EP400: variants seen among roughly 807,000 people sequenced by gnomAD.
EP400 encodes the protein E1A binding protein p400.
EP400 carries 105 observed loss-of-function variants against 354.1 expected under a neutral mutation model. That is an observed-to-expected ratio of 0.30 (90% CI 0.25 to 0.35). The LOEUF (loss-of-function observed/expected upper bound fraction) is 0.35, where lower values mean the gene tolerates loss of function less well. Among genes scored for constraint, EP400 ranks in the 10% least tolerant of loss-of-function variants. The pLI is 1.00. For synonymous variants in EP400, 1,646 were observed against 1,716.9 expected, an observed-to-expected ratio of 0.96 and a Z score of 1.02; for missense variants, 3,280 against 4,121.0, an observed-to-expected ratio of 0.80 and a Z score of 5.59.
At chr12:132,069,755 C>T in intron 51 of EP400, 114 bp downstream of exon 51, 2 of 1,466,224 alleles carry the variant, frequency 1.4e-6, no homozygotes, top group Non-Finnish European at 1.8e-6. Flanking sequence ...CTGGGTGGTG[C>T]ACTGGAGGGA....
chr12:132,013,384 C>A lies in EP400; in HGVS notation c.3612-106C>A. On this transcript the variant is annotated intron_variant, in intron 17 of 52. Transcript: ENST00000389561. This position sits in a 1 kb window ranked among gnomAD's most constrained non-coding sequence, Gnocchi z 4.5. ...TCAGGCATGTGCACGTTGACATTTG[C>A]GGTGTCAAATTACTGTCCCTTTTCT... is the stretch of plus-strand genomic sequence containing the variant. 7.0e-7 allele frequency: 1 copy of A among 1,426,916 alleles called. No individual in the cohort carries two copies. The highest frequency in any genetic ancestry group is 1.4e-5 in the South Asian group (1 of 72,346). The allele number at this position is 1,426,916 out of a possible 1,614,324, so 88.4% of individuals were successfully genotyped here.
At chr12:131,972,675 C>T (rs946748433) in intron 2 of EP400, among the ~76,000 whole-genome samples, 12 of 150,832 alleles carry the variant, frequency 8.0e-5, no homozygotes, top group Non-Finnish European at 1.8e-4. Context: ...CATCATTTTC[C>T]TGTTAGAGAA....
chr12:132,011,774 G>T, intron 16 of EP400, 140 bp downstream of exon 16: 1 of 1,151,696 alleles, frequency 8.7e-7, no homozygotes, highest in Non-Finnish European at 1.2e-6. Flanking sequence ...AGACCTTTAT[G>T]TTGTTCCCCT....
rs1002526965 is a variant in EP400, at chr12:132,013,792, A to G, written c.3802A>G (p.Ile1268Val). 3 of 1,613,752 alleles carry G rather than the reference A, an allele frequency of 1.9e-6. No individual in the cohort carries two copies. The highest frequency in any genetic ancestry group is 2.5e-6 in the Non-Finnish European group (3 of 1,179,930). Residue 1268 changes from isoleucine to valine, a missense_variant, in exon 19 of 53, where the codon ATT becomes GTT. Physicochemically the swap from Ile to Val is conservative, Grantham distance 29. Transcript: ENST00000389561. The surrounding 1 kb of genome is among the most constrained non-coding windows in gnomAD (Gnocchi z 4.5). ...TTATTTTCAGGTGACACAGCCATTT[A>G]TTTTGAGGAGAACTAAGAGAGATGT... ...IRLHRVTQPFILRRTKRDVEK... is the reference protein window; with the variant it reads ...IRLHRVTQPFVLRRTKRDVEK...
At chr12:132,062,359 C>T (rs1176905527) in intron 46 of EP400, 36 bp downstream of exon 46, 1 of 1,613,176 alleles carries the variant, frequency 6.2e-7, no homozygotes, top group Admixed American at 1.7e-5. Flanking sequence ...TGCCACACGT[C>T]TGCTCTGGCG....
intron 45 of EP400, among the ~76,000 whole-genome samples, chr12:132,059,786 C>A (rs965900999): frequency 7.9e-5 from 12 of 151,796 alleles, no homozygotes; most frequent in African/African-American, 2.9e-4. Flanking sequence ...GAGGCCAAGG[C>A]GGGCGGATCA....
Position 132,013,517 on chromosome 12 carries a change from G to C in EP400, c.3639G>C (p.Ser1213=), listed in dbSNP as rs750785674. Reference sequence around the variant, plus strand: ...AACAACGTCTGCTTCTGATCGACTCGCCGCTGCACAATACCTTCCTGGAGC... The same window carrying C: ...AACAACGTCTGCTTCTGATCGACTCCCCGCTGCACAATACCTTCCTGGAGC... The part of the protein sequence containing the change: ...QSQQRLLLID[S]PLHNTFLELW... Residue 1213 remains serine (S), a synonymous_variant, in exon 18 of 53, where the codon TCG becomes TCC. Coordinates refer to ENST00000389561, the MANE Select transcript of EP400 (RefSeq NM_015409.5). This position sits in a 1 kb window ranked among gnomAD's most constrained non-coding sequence, Gnocchi z 4.5. The C allele has an allele frequency of 1.9e-6, 3 of 1,584,720 alleles. No individual in the cohort carries two copies. The highest frequency in any genetic ancestry group is 2.6e-6 in the Non-Finnish European group (3 of 1,164,646).
At chr12:131,960,497 C>CT in intron 1 of EP400, 88 bp from the exon 2 acceptor site, 1 of 1,278,288 alleles carries the variant, frequency 7.8e-7, no homozygotes, top group Non-Finnish European at 1.1e-6. Flanking sequence ...TGGGAATGTA[C>CT]TTTCAAAGTG....
At position 132,078,778 on chromosome 12, in the gene EP400, T is replaced by G. The variant is rs1896310427; in HGVS notation, c.*1105T>G. 1 of 152,266 alleles carries G rather than the reference T, an allele frequency of 6.6e-6. No homozygotes were observed. The highest frequency in any genetic ancestry group is 1.5e-5 in the Non-Finnish European group (1 of 68,042). 9.4% of individuals were successfully genotyped at this position (152,266 alleles called of 1,614,324 possible). On this transcript the variant is annotated 3_prime_UTR_variant, in exon 53 of 53. Coordinates refer to ENST00000389561, the MANE Select transcript of EP400 (RefSeq NM_015409.5). Reference sequence around the variant, plus strand: ...TTTCTCTAGGATAAGCTTGTGTGGTTCTGCCAGTGAAGCAGAGAACCACCT... The same window carrying G: ...TTTCTCTAGGATAAGCTTGTGTGGTGCTGCCAGTGAAGCAGAGAACCACCT...
At position 132,017,778 on chromosome 12, in the gene EP400, A is replaced by G. The variant is rs1893993693; in HGVS notation, c.4110+57A>G. ...GTTGGATATCTTTTCTAGGCACATT[A>G]TAGATAAAACCATTCTTGGAAATGG... On this transcript the variant is annotated intron_variant, in intron 20 of 52. Transcript: ENST00000389561. This position sits in a 1 kb window ranked among gnomAD's most constrained non-coding sequence, Gnocchi z 5.0. 1 of 1,476,862 alleles carries G rather than the reference A, an allele frequency of 6.8e-7. No homozygotes were observed. The highest frequency in any genetic ancestry group is 9.0e-7 in the Non-Finnish European group (1 of 1,111,784). The allele number at this position is 1,476,862 out of a possible 1,614,324, so 91.5% of individuals were successfully genotyped here. A position where few individuals can be genotyped will look rare whatever the true frequency, so the allele number is the denominator to read the frequency against.
chr12:132,010,204 A>T (rs546390793), intron 15 of EP400, among the ~76,000 whole-genome samples: 1 of 150,586 alleles, frequency 6.6e-6, no homozygotes, highest in Non-Finnish European at 1.5e-5. Flanking sequence ...CTCCTTCCTC[A>T]GCCTCCTGAG....
chr12:131,949,991 C>T lies in EP400; in HGVS notation c.-81C>T, dbSNP rs1489287248. 1 of 151,832 alleles carries T rather than the reference C, an allele frequency of 6.6e-6. No homozygotes were observed. Among genetic ancestry groups the T allele is most frequent in the Non-Finnish European group, 1.5e-5 (1 of 67,914 alleles). 9.4% of individuals were successfully genotyped at this position (151,832 alleles called of 1,614,324 possible). On this transcript the variant is annotated 5_prime_UTR_variant, in exon 1 of 53. Transcript: ENST00000389561. The stretch of plus-strand genomic sequence containing the variant: ...TGAGCGGCTGCGGCGCGGCTTCCAT[C>T]CTCCCGCCCTCCTGACGCGGCCGGA...
Position 132,062,333 on chromosome 12 carries a change from G to T in EP400, c.8098+10G>T, listed in dbSNP as rs1370756089. On this transcript the variant is annotated intron_variant, in intron 46 of 52. Transcript: ENST00000389561. ...CCCCAAGTGTCCCAAGGTAAAGCCA[G>T]GCTGGGAGCTTTCTCTGCCACACGT... 6.2e-7 allele frequency: 1 copy of T among 1,613,768 alleles called. No individual in the cohort carries two copies. The highest frequency in any genetic ancestry group is 1.1e-5 in the South Asian group (1 of 91,076).
chr12:132,048,127 C>CA (rs965348161), intron 39 of EP400, among the ~76,000 whole-genome samples: 20 of 152,276 alleles, frequency 1.3e-4, no homozygotes, highest in African/African-American at 4.8e-4. Context: ...ACATGCTCTA[C>CA]AAACAATTTG....
intron 30 of EP400, among the ~76,000 whole-genome samples, chr12:132,036,753 T>G (rs958683924): frequency 1.3e-5 from 2 of 152,236 alleles, no homozygotes; most frequent in African/African-American, 4.8e-5. Flanking sequence ...ATGATGAGCA[T>G]GTAGTAATAT....
Position 132,061,529 on chromosome 12 carries a change from G to A in EP400, c.7885-581G>A, listed in dbSNP as rs140311807. The stretch of plus-strand genomic sequence containing the variant: ...GATTGCGTTTGCCTTCCAGTTTATG[G>A]TGGGACAAGGAAGGACGGTGAGGCA... On this transcript the variant is annotated intron_variant, in intron 45 of 52. Coordinates refer to ENST00000389561, the MANE Select transcript of EP400 (RefSeq NM_015409.5). Among the ~76,000 whole-genome samples, 592 of 152,366 alleles carry A rather than the reference G, an allele frequency of 3.9e-3. 1 individual carries two copies. Among genetic ancestry groups the A allele is most frequent in the Non-Finnish European group, 5.1e-3 (348 of 68,032 alleles).
In EP400 at chr12:132,018,305, A is replaced by G. The variant is rs772193706; in HGVS notation, c.4206A>G (p.Lys1402=). 15 of 1,613,236 alleles carry G rather than the reference A, an allele frequency of 9.3e-6. No homozygotes were observed. In the South Asian group the frequency reaches 1.5e-4, roughly 17 times the overall value. ...TGTCTAAGAAAAAGATACCGCGGAA[A>G]CTCATGGAGGAAATCTCCACTTCAG... The part of the protein sequence containing the change: ...ELLSKKKIPR[K]LMEEISTSAA... The change falls in exon 21 of 53, where the codon AAA becomes AAG. Residue 1402 remains lysine (K), a synonymous_variant. Coordinates refer to ENST00000389561, the MANE Select transcript of EP400 (RefSeq NM_015409.5). The surrounding 1 kb of genome is among the most constrained non-coding windows in gnomAD (Gnocchi z 4.0).
At chr12:131,952,758 T>C (rs1024408224) in intron 1 of EP400, among the ~76,000 whole-genome samples, 14 of 152,212 alleles carry the variant, frequency 9.2e-5, no homozygotes, top group African/African-American at 3.4e-4. Flanking sequence ...AGCCTGTTTC[T>C]TTTTATTGTT....
chr12:132,017,349 C>T lies in EP400; in HGVS notation c.3924-186C>T, dbSNP rs564171454. Among the ~76,000 whole-genome samples, 3 of 152,154 alleles carry T rather than the reference C, an allele frequency of 2.0e-5. No individual in the cohort carries two copies. The highest frequency in any genetic ancestry group is 7.2e-5 in the African/African-American group (3 of 41,424). ...CGGATGTCATTCTCAATGGGGATGG[C>T]GAACAAGTGCAGAGGGGCCTGCCTG... is the stretch of plus-strand genomic sequence containing the variant. On this transcript the variant is annotated intron_variant, in intron 19 of 52. Coordinates refer to ENST00000389561, the MANE Select transcript of EP400 (RefSeq NM_015409.5). This position sits in a 1 kb window ranked among gnomAD's most constrained non-coding sequence, Gnocchi z 5.0.
Sources: gnomAD v4.1 joint callset for allele counts (sites outside exome capture counted in the v4.1 genomes callset) on GRCh38, gnomAD v4.1.1 for gene constraint, Gnocchi (gnomAD v3.1) non-coding constraint, MANE v1.5 for transcripts, NCBI Gene and HGNC (gene_info 2026-07-23, HGNC 2026-07-21) for gene names.